Variants in TNFRSF21 observed in about 807,000 individuals in gnomAD.
TNFRSF21 encodes tumor necrosis factor receptor superfamily member 21.
Under a neutral mutation model 45.6 loss-of-function variants are expected in TNFRSF21, and 19 were observed. The ratio of observed to expected loss-of-function variants is 0.42; its 90% CI spans 0.29 to 0.61. TNFRSF21 has a LOEUF of 0.61. Among genes scored for constraint, TNFRSF21 ranks in the 20% least tolerant of loss-of-function variants. TNFRSF21 has a pLI of 0.23. For missense variants in TNFRSF21, 737 were observed against 851.5 expected, an observed-to-expected ratio of 0.87 and a Z score of 1.67; for synonymous variants, 314 against 335.5, an observed-to-expected ratio of 0.94 and a Z score of 0.70.
chr6:47,263,551 T>C (rs1762273831), intron 3 of TNFRSF21, among the ~76,000 whole-genome samples: 1 of 151,844 alleles, frequency 6.6e-6, no homozygotes, highest in South Asian at 2.1e-4. Context: ...CAGCCCAAGA[T>C]GGAGGAGGAA....
At chr6:47,237,755 C>T (rs974197333) in intron 4 of TNFRSF21, among the ~76,000 whole-genome samples, 3 of 152,032 alleles carry the variant, frequency 2.0e-5, no homozygotes, top group African/African-American at 7.2e-5. Flanking sequence ...TTTATACATA[C>T]ATCCTCCCAT....
intron 4 of TNFRSF21, among the ~76,000 whole-genome samples, chr6:47,239,342 T>G (rs555156598): frequency 1.3e-5 from 2 of 150,136 alleles, no homozygotes; most frequent in Admixed American, 6.6e-5. Flanking sequence ...ATTCTCCACT[T>G]CTAATATCAA....
intron 3 of TNFRSF21, among the ~76,000 whole-genome samples, chr6:47,267,753 C>T (rs1762356772): frequency 6.6e-6 from 1 of 152,112 alleles, no homozygotes; most frequent in Non-Finnish European, 1.5e-5. Flanking sequence ...GAGACACAGG[C>T]CTGGCACCAT....
chr6:47,242,515 A>T (rs1764760291), intron 4 of TNFRSF21, among the ~76,000 whole-genome samples: 1 of 152,198 alleles, frequency 6.6e-6, no homozygotes, highest in African/African-American at 2.4e-5. Flanking sequence ...TCCTTGCCCT[A>T]AGCAAGAGAG....
intron 3 of TNFRSF21, among the ~76,000 whole-genome samples, chr6:47,270,032 C>A (rs1762393081): frequency 6.6e-6 from 1 of 152,202 alleles, no homozygotes. Flanking sequence ...GCACATAGTC[C>A]CAACAAATTA....
intron 3 of TNFRSF21, among the ~76,000 whole-genome samples, chr6:47,272,484 C>T (rs549620658): frequency 9.9e-5 from 15 of 152,270 alleles, no homozygotes; most frequent in South Asian, 2.1e-4. Context: ...AAAGACACAA[C>T]GTACCAGAAT....
At chr6:47,288,580 A>G (rs1245076265) in intron 1 of TNFRSF21, among the ~76,000 whole-genome samples, 1 of 151,190 alleles carries the variant, frequency 6.6e-6, no homozygotes, top group African/African-American at 2.5e-5. Context: ...ACATAAAAAA[A>G]AAAAAGAAAA....
chr6:47,270,602 C>G (rs6940674), intron 3 of TNFRSF21, among the ~76,000 whole-genome samples: 1,689 of 152,294 alleles, frequency 0.011, 28 homozygotes, highest in African/African-American at 0.038. Flanking sequence ...CAGAGCGCAT[C>G]TTCTCCTCCA....
chr6:47,272,046 G>C (rs1762429124), intron 3 of TNFRSF21, among the ~76,000 whole-genome samples: 1 of 152,116 alleles, frequency 6.6e-6, no homozygotes, highest in Non-Finnish European at 1.5e-5. Context: ...AACAGACTTA[G>C]ACTCCCACAC....
At chr6:47,308,705 C>T (rs1762973030) in intron 1 of TNFRSF21, among the ~76,000 whole-genome samples, 1 of 152,228 alleles carries the variant, frequency 6.6e-6, no homozygotes, top group Admixed American at 6.5e-5. Flanking sequence ...CTTCCCCCTC[C>T]CCCCATTCCA....
intron 1 of TNFRSF21, among the ~76,000 whole-genome samples, chr6:47,302,890 T>C (rs1432035707): frequency 6.6e-6 from 1 of 152,198 alleles, no homozygotes; most frequent in Non-Finnish European, 1.5e-5. Context: ...TCAAACTCCA[T>C]TCCCTTATCT....
rs77354180 is a variant in TNFRSF21, at chr6:47,285,020, T to A, written c.749-588A>T. On this transcript the variant is annotated intron_variant, in intron 2 of 5. Transcript: ENST00000296861. ...TCTCAGAGAAGCCTCCATAAGTAAT[T>A]TTCATTAAGAAGTATGAGAGATGGG... is the stretch of plus-strand genomic sequence containing the variant. Among the ~76,000 whole-genome samples the A allele has an allele frequency of 9.1e-3, 1,391 of 152,284 alleles. 24 individuals are homozygous for A. Among genetic ancestry groups the A allele is most frequent in the African/African-American group, 0.031 (1,309 of 41,558 alleles).
At chr6:47,262,856 C>G (rs950707033) in intron 3 of TNFRSF21, among the ~76,000 whole-genome samples, 2 of 152,142 alleles carry the variant, frequency 1.3e-5, no homozygotes, top group African/African-American at 4.8e-5. Flanking sequence ...AGATCACATC[C>G]GGCCTTTAAG....
chr6:47,298,960 A>C (rs2103867), intron 1 of TNFRSF21, among the ~76,000 whole-genome samples: 143,290 of 152,284 alleles, frequency 0.94, 67,525 homozygotes, highest in East Asian at 1. Flanking sequence ...AAAACGCTTT[A>C]CTCATGCAAT....
At chr6:47,246,339 C>G (rs150924780) in intron 4 of TNFRSF21, among the ~76,000 whole-genome samples, 1 of 152,328 alleles carries the variant, frequency 6.6e-6, no homozygotes, top group African/African-American at 2.4e-5. Flanking sequence ...CTAAGATTTA[C>G]TGAGCCCCCT....
At chr6:47,287,119 C>A (rs2113865051) in intron 1 of TNFRSF21, among the ~76,000 whole-genome samples, 1 of 152,030 alleles carries the variant, frequency 6.6e-6, no homozygotes, top group East Asian at 1.9e-4. Context: ...ACCAGCCTGG[C>A]TGACATGGTA....
At position 47,232,201 on chromosome 6, in the gene TNFRSF21, A is replaced by G. The variant is rs1204722906; in HGVS notation, c.*564T>C. 2.0e-5 allele frequency: 3 copies of G among 152,840 alleles called. No homozygotes were observed. Among genetic ancestry groups the G allele is most frequent in the African/African-American group, 7.2e-5 (3 of 41,474 alleles). 9.5% of individuals were successfully genotyped at this position (152,840 alleles called of 1,614,324 possible). ...AGTTGAATTGCATTACAGTAACTCA[A>G]TGGGGTCTTAAATTTTCTTAATCTT... On this transcript the variant is annotated 3_prime_UTR_variant, in exon 6 of 6. Coordinates refer to ENST00000296861, the MANE Select transcript of TNFRSF21 (RefSeq NM_014452.5).
chr6:47,301,047 G>A (rs1172073195), intron 1 of TNFRSF21, among the ~76,000 whole-genome samples: 1 of 152,136 alleles, frequency 6.6e-6, no homozygotes, highest in African/African-American at 2.4e-5. Flanking sequence ...CACATAAAGA[G>A]AATTCTACAC....
rs556632233 is a variant in TNFRSF21 at position 47,273,285 on chromosome 6, A to T, written c.1243+10653T>A. Among the ~76,000 whole-genome samples, 6 of 152,314 alleles carry T rather than the reference A, an allele frequency of 3.9e-5. No individual in the cohort carries two copies. In the South Asian group the frequency reaches 1.0e-3, roughly 26 times the overall value. On this transcript the variant is annotated intron_variant, in intron 3 of 5. Coordinates refer to ENST00000296861, the MANE Select transcript of TNFRSF21 (RefSeq NM_014452.5). ...CCTCAATAAAATACTTGCAAACCAAATCCAGCAGTACATCAAAAAGCTTAT... is the reference window on the plus strand; with the variant it reads ...CCTCAATAAAATACTTGCAAACCAATTCCAGCAGTACATCAAAAAGCTTAT...
Sources: allele counts gnomAD v4.1 joint callset (sites outside exome capture counted in the v4.1 genomes callset), GRCh38; gene constraint gnomAD v4.1.1; transcripts MANE v1.5; gene names NCBI Gene and HGNC (gene_info 2026-07-23, HGNC 2026-07-21).